The following SMYD3 variants were observed in gnomAD, a reference collection of about 807,000 sequenced individuals.
SMYD3 encodes SET and MYND domain containing 3, also known as histone-lysine N-methyltransferase SMYD3.
A neutral mutation model predicts 57.7 loss-of-function variants in SMYD3; 36 were observed. The ratio of observed to expected loss-of-function variants is 0.62; its 90% CI spans 0.48 to 0.82. The LOEUF (loss-of-function observed/expected upper bound fraction) is 0.82, where lower values mean the gene tolerates loss of function less well. Ranked by LOEUF, SMYD3 falls within the 40% of genes least tolerant of loss-of-function variation. The pLI is 0.00. For missense variants in SMYD3, 515 were observed against 538.8 expected (o/e 0.96, Z 0.44); for synonymous variants, 211 against 195.0 (o/e 1.08, Z -0.68).
intron 10 of SMYD3, among the ~76,000 whole-genome samples, chr1:245,809,218 T>A (rs569195341): frequency 5.3e-5 from 8 of 152,272 alleles, no homozygotes; most frequent in African/African-American, 1.9e-4. Flanking sequence ...CAATTACAAT[T>A]TCATCTGTCA....
At chr1:245,818,035 A>G (rs1203491267) in intron 10 of SMYD3, among the ~76,000 whole-genome samples, 1 of 152,110 alleles carries the variant, frequency 6.6e-6, no homozygotes, top group Non-Finnish European at 1.5e-5. Context: ...CAGATTCAGG[A>G]AATACAGAGA....
chr1:246,488,599 TAG>T (rs2068223338), intron 1 of SMYD3, among the ~76,000 whole-genome samples: 1 of 152,106 alleles, frequency 6.6e-6, no homozygotes, highest in African/African-American at 2.4e-5. Context: ...GGCAGGAGAA[TAG>T]CTTGAACCCA....
At chr1:246,029,049 T>C (rs906930388) in intron 5 of SMYD3, among the ~76,000 whole-genome samples, 6 of 152,158 alleles carry the variant, frequency 3.9e-5, no homozygotes, top group East Asian at 3.8e-4. Flanking sequence ...AAGGAGACCA[T>C]TATCACTGTA....
intron 5 of SMYD3, among the ~76,000 whole-genome samples, chr1:246,147,548 G>A (rs920350893): frequency 1.3e-5 from 2 of 152,094 alleles, no homozygotes; most frequent in African/African-American, 2.4e-5. Flanking sequence ...TCTGGGTTGG[G>A]GCAGGGGCTC....
intron 5 of SMYD3, among the ~76,000 whole-genome samples, chr1:245,949,330 C>T (rs1489130669): frequency 6.6e-6 from 1 of 152,184 alleles, no homozygotes; most frequent in African/African-American, 2.4e-5. Flanking sequence ...CCGTGGGGCC[C>T]AAGGACTGGT....
chr1:246,007,791 T>A (rs2059202744), intron 5 of SMYD3, among the ~76,000 whole-genome samples: 1 of 149,078 alleles, frequency 6.7e-6, no homozygotes, highest in African/African-American at 2.5e-5. Context: ...CACTCCAGCC[T>A]GGGAAACAGA....
At chr1:246,079,148 T>TAA (rs1432974013) in intron 5 of SMYD3, among the ~76,000 whole-genome samples, 1 of 152,060 alleles carries the variant, frequency 6.6e-6, no homozygotes, top group African/African-American at 2.4e-5. Context: ...TGTGCCAGAG[T>TAA]ACACCACGCA....
intron 5 of SMYD3, among the ~76,000 whole-genome samples, chr1:246,227,982 G>A (rs1166477847): frequency 3.0e-5 from 3 of 100,530 alleles, no homozygotes; most frequent in African/African-American, 9.0e-5. Flanking sequence ...TTTTTTTGGA[G>A]ACAAAGTCTC....
chr1:245,774,834 G>A, intron 10 of SMYD3, among the ~76,000 whole-genome samples: 1 of 152,116 alleles, frequency 6.6e-6, no homozygotes, highest in Non-Finnish European at 1.5e-5. Flanking sequence ...CCGAGTGCCT[G>A]CGATTGCAGG....
At chr1:246,075,063 GA>G (rs963178320) in intron 5 of SMYD3, among the ~76,000 whole-genome samples, 1 of 150,512 alleles carries the variant, frequency 6.6e-6, no homozygotes, top group South Asian at 2.1e-4. Context: ...CCATTCTCAA[GA>G]AAAAAAAATT....
intron 5 of SMYD3, among the ~76,000 whole-genome samples, chr1:246,255,614 G>C (rs6686262): frequency 0.21 from 31,505 of 151,834 alleles, 3,985 homozygotes; most frequent in East Asian, 0.58. Flanking sequence ...TTATACTCAT[G>C]AGGGATATTG....
rs192681643 is a variant in SMYD3, at chr1:246,142,207, T to A, written c.531+184994A>T. 1.6e-3 allele frequency among the ~76,000 whole-genome samples: 241 copies of A among 152,290 alleles called. 1 individual carries two copies. The highest frequency in any genetic ancestry group is 5.4e-3 in the African/African-American group (226 of 41,566). ...TATACTCTATGCTTTTTCTTATACATACATACCTATGATAAAGCTTAATTT... is the reference window on the plus strand; with the variant it reads ...TATACTCTATGCTTTTTCTTATACAAACATACCTATGATAAAGCTTAATTT... On this transcript the variant is annotated intron_variant, in intron 5 of 11. Coordinates refer to ENST00000490107, the MANE Select transcript of SMYD3 (RefSeq NM_001167740.2).
At chr1:245,850,511 A>G (rs1369032531) in intron 10 of SMYD3, among the ~76,000 whole-genome samples, 2 of 152,036 alleles carry the variant, frequency 1.3e-5, no homozygotes, top group Non-Finnish European at 2.9e-5. Context: ...GGGCAACATT[A>G]CAAGACCCTG....
At chr1:246,237,169 A>G (rs56274339) in intron 5 of SMYD3, among the ~76,000 whole-genome samples, 40,528 of 152,020 alleles carry the variant, frequency 0.27, 6,098 homozygotes, top group East Asian at 0.58. Flanking sequence ...TTTGGCAGAC[A>G]GGTTCTCTGT....
chr1:245,800,933 A>G (rs1342950089), intron 10 of SMYD3, among the ~76,000 whole-genome samples: 1 of 152,252 alleles, frequency 6.6e-6, no homozygotes, highest in Non-Finnish European at 1.5e-5. Context: ...ATAATTGTGT[A>G]GAATGAATTT....
At chr1:246,266,525 T>C (rs1033688099) in intron 5 of SMYD3, among the ~76,000 whole-genome samples, 3 of 152,194 alleles carry the variant, frequency 2.0e-5, no homozygotes. Flanking sequence ...TAAAAGTATG[T>C]TGAATAATTT....
At chr1:245,768,002 A>C (rs1213377622) in intron 10 of SMYD3, among the ~76,000 whole-genome samples, 1 of 152,118 alleles carries the variant, frequency 6.6e-6, no homozygotes, top group South Asian at 2.1e-4. Context: ...AAGGTTATGC[A>C]GCTGATTTAA....
chr1:246,243,018 C>T (rs969067821), intron 5 of SMYD3, among the ~76,000 whole-genome samples: 14 of 152,044 alleles, frequency 9.2e-5, no homozygotes, highest in Admixed American at 7.2e-4. Context: ...ACATTAACGC[C>T]CCACTGTCAA....
chr1:246,197,953 T>G (rs893565218), intron 5 of SMYD3, among the ~76,000 whole-genome samples: 1 of 152,198 alleles, frequency 6.6e-6, no homozygotes, highest in Non-Finnish European at 1.5e-5. Context: ...TTGTTTGCCA[T>G]TGTAATTGTG....
Sources: allele counts gnomAD v4.1 joint callset (sites outside exome capture counted in the v4.1 genomes callset), GRCh38; gene constraint gnomAD v4.1.1; transcripts MANE v1.5; gene names NCBI Gene and HGNC (gene_info 2026-07-23, HGNC 2026-07-21).